The following SHISA9 variants were observed in gnomAD, a reference collection of about 807,000 sequenced individuals.
SHISA9 encodes the protein shisa family member 9, also known as protein shisa-9.
In SHISA9, 13 loss-of-function variants were observed where a neutral mutation model predicts 38.0. The observed-to-expected ratio is 0.34, with a 90% CI of 0.22 to 0.54. The LOEUF is 0.54. Ranked by LOEUF, SHISA9 falls within the 20% of genes least tolerant of loss-of-function variation. SHISA9 has a pLI of 0.91. For synonymous variants in SHISA9, 275 were observed against 242.0 expected (o/e 1.14, Z -1.27); for missense variants, 538 against 575.8 (o/e 0.93, Z 0.67).
At chr16:13,271,920 A>G in the SHISA9 span, among the ~76,000 whole-genome samples, 1 of 152,098 alleles carries the variant, frequency 6.6e-6, no homozygotes, top group South Asian at 2.1e-4. Context: ...CTCTACTAAA[A>G]ATACAAAAAT....
the SHISA9 span, among the ~76,000 whole-genome samples, chr16:13,537,288 C>A: frequency 1.3e-5 from 2 of 151,892 alleles, no homozygotes; most frequent in Non-Finnish European, 2.9e-5. Context: ...ATTTACCGGG[C>A]ATGGTGGCAG....
chr16:13,414,377 G>A, the SHISA9 span, among the ~76,000 whole-genome samples: 1 of 152,194 alleles, frequency 6.6e-6, no homozygotes, highest in Non-Finnish European at 1.5e-5. Context: ...AGCTCCAGCA[G>A]ATGAGTAAGT....
the SHISA9 span, among the ~76,000 whole-genome samples, chr16:13,460,760 T>G: frequency 6.6e-6 from 1 of 152,236 alleles, no homozygotes; most frequent in Non-Finnish European, 1.5e-5. Flanking sequence ...TCTGCCTTCC[T>G]TCTCTCTGGT....
At chr16:13,079,480 G>C (rs2141933508) in intron 2 of SHISA9, among the ~76,000 whole-genome samples, 1 of 152,284 alleles carries the variant, frequency 6.6e-6, no homozygotes, top group Middle Eastern at 3.4e-3. Context: ...ATGACAACAT[G>C]AAACCCATTA....
chr16:13,162,106 A>T (rs773674039), intron 2 of SHISA9, among the ~76,000 whole-genome samples: 2 of 152,218 alleles, frequency 1.3e-5, no homozygotes, highest in African/African-American at 2.4e-5. Context: ...AAGTTAGCCC[A>T]TATGAACCTC....
At chr16:13,505,701 T>C in the SHISA9 span, among the ~76,000 whole-genome samples, 2 of 152,314 alleles carry the variant, frequency 1.3e-5, no homozygotes, top group South Asian at 2.1e-4. Context: ...GATTCAGAAA[T>C]GGTTTTAGTT....
chr16:13,398,677 AT>A, the SHISA9 span, among the ~76,000 whole-genome samples: 1 of 151,784 alleles, frequency 6.6e-6, no homozygotes, highest in African/African-American at 2.4e-5. Context: ...CGTCCGGCTA[AT>A]TTTTTGTATT....
chr16:13,031,653 C>G (rs933036930), intron 2 of SHISA9, among the ~76,000 whole-genome samples: 3 of 152,182 alleles, frequency 2.0e-5, no homozygotes, highest in African/African-American at 4.8e-5. Context: ...AGGTCTGCCT[C>G]TCTGAGCCTC....
At chr16:13,125,570 A>T (rs751481822) in intron 2 of SHISA9, among the ~76,000 whole-genome samples, 1 of 152,210 alleles carries the variant, frequency 6.6e-6, no homozygotes, top group African/African-American at 2.4e-5. Context: ...TTTATGGTGG[A>T]TGAGACACTA....
intron 2 of SHISA9, among the ~76,000 whole-genome samples, chr16:13,052,459 G>A (rs915512654): frequency 2.9e-4 from 44 of 152,276 alleles, no homozygotes; most frequent in African/African-American, 1.0e-3. Flanking sequence ...ATTATTAGGA[G>A]AGATTCCTCC....
chr16:13,530,156 C>G, the SHISA9 span, among the ~76,000 whole-genome samples: 1 of 152,096 alleles, frequency 6.6e-6, no homozygotes, highest in Non-Finnish European at 1.5e-5. Flanking sequence ...AAAAAATTAG[C>G]CAGGCCTGGT....
the SHISA9 span, among the ~76,000 whole-genome samples, chr16:13,412,878 TAAAC>T: frequency 1.9e-3 from 283 of 149,976 alleles, 1 homozygote; most frequent in Non-Finnish European, 2.5e-3. Flanking sequence ...AACAAACAAA[TAAAC>T]AAACAAAACA....
chr16:13,242,176 A>G (rs149026916), downstream of SHISA9, among the ~76,000 whole-genome samples: 105 of 152,370 alleles, frequency 6.9e-4, no homozygotes, highest in African/African-American at 2.3e-3. Flanking sequence ...AAAGCAATTC[A>G]ACTAGTAAGT....
the SHISA9 span, among the ~76,000 whole-genome samples, chr16:13,296,920 A>AG: frequency 2.0e-5 from 3 of 148,654 alleles, no homozygotes; most frequent in Admixed American, 6.7e-5. Context: ...AAAAAAAAAA[A>AG]AGAGAATGCT....
intron 2 of SHISA9, among the ~76,000 whole-genome samples, chr16:13,139,394 T>TTCCTTCC (rs2050378798): frequency 3.2e-5 from 3 of 94,992 alleles, no homozygotes; most frequent in South Asian, 4.7e-4. Context: ...CCCTTCCTTC[T>TTCCTTCC]TTCCTTCCTT....
At chr16:13,156,851 G>A (rs568202816) in intron 2 of SHISA9, among the ~76,000 whole-genome samples, 3 of 152,208 alleles carry the variant, frequency 2.0e-5, no homozygotes, top group East Asian at 1.9e-4. Flanking sequence ...CTATGGATAC[G>A]TATAATCAGG....
the SHISA9 span, among the ~76,000 whole-genome samples, chr16:13,539,296 A>T: frequency 1.2e-5 from 1 of 84,570 alleles, no homozygotes; most frequent in East Asian, 8.5e-4. Context: ...CACCTGGCTA[A>T]ATTTTACATA....
the SHISA9 span, among the ~76,000 whole-genome samples, chr16:13,325,575 G>C: frequency 6.6e-6 from 1 of 152,138 alleles, no homozygotes; most frequent in Non-Finnish European, 1.5e-5. Flanking sequence ...CAGTTATGCC[G>C]ACTGAGAAGT....
At chr16:13,204,210 G>GACTATCTA (rs1555471120) in intron 3 of SHISA9, among the ~76,000 whole-genome samples, 1 of 140,986 alleles carries the variant, frequency 7.1e-6, no homozygotes, top group African/African-American at 2.6e-5. Flanking sequence ...CTGTCTGTCT[G>GACTATCTA]TCTATCTATC....
Sources: allele counts gnomAD v4.1 joint callset (sites outside exome capture counted in the v4.1 genomes callset), GRCh38; gene constraint gnomAD v4.1.1; transcripts MANE v1.5; gene names NCBI Gene and HGNC (gene_info 2026-07-23, HGNC 2026-07-21).